GTF2E2: variants seen among roughly 807,000 people sequenced by gnomAD.
The protein encoded by GTF2E2 is transcription initiation factor IIE subunit beta.
A neutral mutation model predicts 40.5 loss-of-function variants in GTF2E2; 21 were observed. That is an observed-to-expected ratio of 0.52 (90% CI 0.37 to 0.75). GTF2E2 has a LOEUF of 0.75. Among genes scored for constraint, GTF2E2 ranks in the 30% least tolerant of loss-of-function variants. The probability of loss-of-function intolerance (pLI) is 0.00; values close to 1 mark genes in which losing one functional copy is unlikely to be tolerated. For missense variants in GTF2E2, 298 were observed against 338.4 expected (o/e 0.88, Z 0.94); for synonymous variants, 117 against 121.6 (o/e 0.96, Z 0.25).
chr8:30,631,311 T>C (rs1363720282), intron 3 of GTF2E2, among the ~76,000 whole-genome samples: 1 of 152,170 alleles, frequency 6.6e-6, no homozygotes, highest in Non-Finnish European at 1.5e-5. Flanking sequence ...GCCACTGTGC[T>C]GGGCCGAGAA....
intron 3 of GTF2E2, among the ~76,000 whole-genome samples, chr8:30,630,916 C>T (rs1020387355): frequency 4.6e-5 from 7 of 152,164 alleles, no homozygotes; most frequent in Admixed American, 4.6e-4. Flanking sequence ...TACACCCCCA[C>T]CTCCATTCAG....
At chr8:30,586,008 G>T (rs1442744904) in intron 6 of GTF2E2, among the ~76,000 whole-genome samples, 6 of 152,058 alleles carry the variant, frequency 3.9e-5, no homozygotes, top group Non-Finnish European at 8.8e-5. Context: ...CTTGAACCCA[G>T]TTTGACGTTG....
chr8:30,653,530 T>C lies in GTF2E2; in HGVS notation c.69A>G (p.Glu23=). The C allele has an allele frequency of 6.2e-7, 1 of 1,613,592 alleles. No homozygotes were observed. Among genetic ancestry groups the C allele is most frequent in the Non-Finnish European group, 8.5e-7 (1 of 1,179,538 alleles). ...KKRALSTPVV[E]KRSASSESSS... ...ATGACTCAGAAGATGCTGAACGTTT[T>C]TCTACTACAGGAGTAGAAAGAGCTC... Residue 23 remains glutamate, a synonymous_variant, in exon 2 of 8, where the codon GAA becomes GAG. Transcript: ENST00000355904.
intron 6 of GTF2E2, among the ~76,000 whole-genome samples, chr8:30,603,432 G>C (rs1829237281): frequency 6.6e-6 from 1 of 151,930 alleles, no homozygotes; most frequent in South Asian, 2.1e-4. Flanking sequence ...AATACAGACA[G>C]AAAGTAAAAG....
At chr8:30,622,611 C>T (rs1359598080) in intron 3 of GTF2E2, among the ~76,000 whole-genome samples, 2 of 151,990 alleles carry the variant, frequency 1.3e-5, no homozygotes, top group Non-Finnish European at 2.9e-5. Context: ...GGAATTTCCT[C>T]GTCCTAATAA....
intron 2 of GTF2E2, among the ~76,000 whole-genome samples, chr8:30,637,461 T>C (rs16877227): frequency 7.0e-4 from 106 of 152,332 alleles, no homozygotes; most frequent in African/African-American, 2.5e-3. Context: ...CAGATATTTC[T>C]ATGCATTCCT....
chr8:30,635,027 C>G lies in GTF2E2; in HGVS notation c.258+5G>C. ...GGACTTTTGCTATCTGAGAAAAGTA[C>G]TTACCTTCATGTAATTCACAATCTT... On this transcript the variant is annotated splice_donor_5th_base_variant and intron_variant, in intron 3 of 7. Transcript: ENST00000355904. 2 of 1,516,854 alleles carry G rather than the reference C, an allele frequency of 1.3e-6. No individual in the cohort carries two copies. Among genetic ancestry groups the G allele is most frequent in the Non-Finnish European group, 9.1e-7 (1 of 1,096,300 alleles). The allele number at this position is 1,516,854 out of a possible 1,614,324, so 94.0% of individuals were successfully genotyped here. A position where few individuals can be genotyped will look rare whatever the true frequency, so the allele number is the denominator to read the frequency against.
At chr8:30,656,137 C>A (rs1449009899) in intron 1 of GTF2E2, among the ~76,000 whole-genome samples, 1 of 152,140 alleles carries the variant, frequency 6.6e-6, no homozygotes, top group Admixed American at 6.5e-5. Flanking sequence ...CTAAAGCCAC[C>A]TGGCTAGGCA....
chr8:30,594,806 G>A (rs1274254805), intron 6 of GTF2E2, among the ~76,000 whole-genome samples: 5 of 148,410 alleles, frequency 3.4e-5, no homozygotes, highest in African/African-American at 7.5e-5. Flanking sequence ...GCGGTGAGCC[G>A]AGATCACACC....
chr8:30,637,562 C>T (rs770037017), intron 2 of GTF2E2, among the ~76,000 whole-genome samples: 9 of 152,040 alleles, frequency 5.9e-5, no homozygotes, highest in South Asian at 2.1e-4. Flanking sequence ...CTCACTCTGT[C>T]GCCCAGGCTG....
In GTF2E2 at chr8:30,612,404, C is replaced by T; in HGVS notation, c.444G>A (p.Lys148=). Reference sequence around the variant, plus strand: ...GATCTAAGAGCCTAAGTAGGGCCTTCTTATCTCTCACGTTGTACTTGGGCT... The same window carrying T: ...GATCTAAGAGCCTAAGTAGGGCCTTTTTATCTCTCACGTTGTACTTGGGCT... ...AFKPKYNVRD[K]KALLRLLDQH... The change falls in exon 5 of 8, where the codon AAG becomes AAA. Residue 148 remains lysine (K), a synonymous_variant. Coordinates refer to ENST00000355904, the MANE Select transcript of GTF2E2 (RefSeq NM_002095.6). 6.2e-7 allele frequency: 1 copy of T among 1,611,882 alleles called. No homozygotes were observed. The highest frequency in any genetic ancestry group is 1.1e-5 in the South Asian group (1 of 91,036).
chr8:30,591,678 A>C (rs1239555591), intron 6 of GTF2E2, among the ~76,000 whole-genome samples: 1 of 152,128 alleles, frequency 6.6e-6, no homozygotes, highest in Non-Finnish European at 1.5e-5. Context: ...TGCTGGTGAG[A>C]ATGTAAATTA....
intron 3 of GTF2E2, among the ~76,000 whole-genome samples, chr8:30,617,979 T>C (rs1484349994): frequency 6.6e-6 from 1 of 152,136 alleles, no homozygotes; most frequent in Non-Finnish European, 1.5e-5. Context: ...TTTATTAAAA[T>C]TGTCTTTAAT....
Position 30,607,075 on chromosome 8 carries a change from G to T in GTF2E2, c.625C>A (p.Gln209Lys). The change falls in exon 6 of 8, where the codon CAG becomes AAG. Residue 209 changes from glutamine (Q) to lysine (K), a missense_variant. Coordinates refer to ENST00000355904, the MANE Select transcript of GTF2E2 (RefSeq NM_002095.6). The stretch of plus-strand genomic sequence containing the variant: ...AGCTCACCTTCATCCACAGAAAACT[G>T]ACAGCTCTTATCATTGAAGAAAAGT... ...KILFFNDKSC[Q>K]FSVDEEFQKL... 7.1e-7 allele frequency: 1 copy of T among 1,417,172 alleles called. No individual in the cohort carries two copies. The highest frequency in any genetic ancestry group is 9.8e-7 in the Non-Finnish European group (1 of 1,018,244). The allele number at this position is 1,417,172 out of a possible 1,614,324, so 87.8% of individuals were successfully genotyped here. A position where few individuals can be genotyped will look rare whatever the true frequency, so the allele number is the denominator to read the frequency against.
At chr8:30,624,045 G>A (rs1010372793) in intron 3 of GTF2E2, among the ~76,000 whole-genome samples, 9 of 152,160 alleles carry the variant, frequency 5.9e-5, no homozygotes, top group Admixed American at 2.0e-4. Context: ...TTTGGCTTTC[G>A]TTGCCATTGC....
intron 6 of GTF2E2, among the ~76,000 whole-genome samples, chr8:30,582,321 G>A (rs1457829266): frequency 1.3e-5 from 2 of 152,108 alleles, no homozygotes; most frequent in African/African-American, 4.8e-5. Context: ...CACCATGTCT[G>A]GCCTATATTT....
At chr8:30,651,049 TAGAA>T (rs1802258835) in intron 2 of GTF2E2, among the ~76,000 whole-genome samples, 2 of 145,862 alleles carry the variant, frequency 1.4e-5, no homozygotes, top group Middle Eastern at 7.2e-3. Flanking sequence ...AAACTAGAAA[TAGAA>T]AGGAACTTCT....
intron 6 of GTF2E2, among the ~76,000 whole-genome samples, chr8:30,594,655 C>A (rs1234000823): frequency 1.3e-5 from 2 of 151,080 alleles, no homozygotes; most frequent in African/African-American, 4.9e-5. Context: ...GTCAGAAGTT[C>A]GAGACCAGCC....
chr8:30,650,611 C>T (rs1802240015), intron 2 of GTF2E2, among the ~76,000 whole-genome samples: 1 of 151,640 alleles, frequency 6.6e-6, no homozygotes, highest in African/African-American at 2.4e-5. Context: ...CTGAGGCTTG[C>T]TTGAGCTGGG....
Sources: allele counts gnomAD v4.1 joint callset (sites outside exome capture counted in the v4.1 genomes callset), GRCh38; gene constraint gnomAD v4.1.1; transcripts MANE v1.5; gene names NCBI Gene and HGNC (gene_info 2026-07-23, HGNC 2026-07-21).